Variants in GREB1L observed in about 807,000 individuals in gnomAD.
The protein encoded by GREB1L is GREB1 like retinoic acid receptor coactivator.
GREB1L carries 17 observed loss-of-function variants against 200.8 expected under a neutral mutation model. That is an observed-to-expected ratio of 0.08 (90% confidence interval 0.06 to 0.13). The LOEUF (loss-of-function observed/expected upper bound fraction) is 0.13, where lower values mean the gene tolerates loss of function less well. GREB1L is among the 10% of genes least tolerant of loss of function. The pLI, the probability that GREB1L is intolerant of heterozygous loss-of-function variation, is 1.00. For synonymous variants in GREB1L, 789 were observed against 893.0 expected (o/e 0.88, Z 2.08); for missense variants, 1,657 against 2,367.7 (o/e 0.70, Z 6.23).
chr18:21,455,727 A>G (rs2034731586), intron 15 of GREB1L, among the ~76,000 whole-genome samples: 1 of 151,864 alleles, frequency 6.6e-6, no homozygotes, highest in Non-Finnish European at 1.5e-5. Context: ...ATATTTAAAA[A>G]CAGGTAGGAA....
At chr18:21,384,433 A>G (rs776476336) in intron 4 of GREB1L, 30 bp downstream of exon 4, 13 of 1,496,224 alleles carry the variant, frequency 8.7e-6, no homozygotes, top group Admixed American at 2.3e-5. Flanking sequence ...TCTTTTTGCT[A>G]TTTTGTCTCT....
chr18:21,246,154 G>A (rs556918129), intron 1 of GREB1L, among the ~76,000 whole-genome samples: 15 of 152,122 alleles, frequency 9.9e-5, no homozygotes, highest in African/African-American at 3.6e-4. Flanking sequence ...AAAATTAGAG[G>A]TTGTGGGTTT....
chr18:21,260,916 G>A (rs9959136), intron 1 of GREB1L, among the ~76,000 whole-genome samples: 1,522 of 151,434 alleles, frequency 0.01, 19 homozygotes, highest in African/African-American at 0.035. Flanking sequence ...TACTAAAATC[G>A]GTTTTATACT....
At chr18:21,248,064 AC>A (rs1322316311) in intron 1 of GREB1L, among the ~76,000 whole-genome samples, 1 of 152,196 alleles carries the variant, frequency 6.6e-6, no homozygotes, top group African/African-American at 2.4e-5. Context: ...TTGCATGCTA[AC>A]CATGGAATGA....
intron 6 of GREB1L, among the ~76,000 whole-genome samples, chr18:21,402,782 C>CA: frequency 6.6e-6 from 1 of 152,188 alleles, no homozygotes; most frequent in Admixed American, 6.5e-5. Context: ...TTTGGCCTCT[C>CA]AAAGTGGTAG....
At chr18:21,257,362 TC>T (rs969100895) in intron 1 of GREB1L, among the ~76,000 whole-genome samples, 10 of 152,014 alleles carry the variant, frequency 6.6e-5, no homozygotes, top group African/African-American at 2.4e-4. Flanking sequence ...AAATAACCTT[TC>T]CCCCCCTTGT....
chr18:21,259,706 C>A (rs1598611354), intron 1 of GREB1L, among the ~76,000 whole-genome samples: 1 of 151,930 alleles, frequency 6.6e-6, no homozygotes, highest in Non-Finnish European at 1.5e-5. Context: ...TTTTTAAAAA[C>A]TAGAAGATGT....
At chr18:21,339,754 G>A (rs950449097) in intron 1 of GREB1L, among the ~76,000 whole-genome samples, 2 of 152,178 alleles carry the variant, frequency 1.3e-5, no homozygotes, top group Non-Finnish European at 2.9e-5. Context: ...TGACAATTAG[G>A]AAACCTCTCT....
intron 17 of GREB1L, among the ~76,000 whole-genome samples, chr18:21,481,859 C>G (rs191594815): frequency 5.7e-4 from 87 of 152,268 alleles, no homozygotes; most frequent in African/African-American, 2.0e-3. Flanking sequence ...TATGACTCCA[C>G]CACAATTCAT....
At chr18:21,347,799 C>G (rs1321861168) in intron 1 of GREB1L, among the ~76,000 whole-genome samples, 1 of 138,962 alleles carries the variant, frequency 7.2e-6, no homozygotes, top group Non-Finnish European at 1.5e-5. Context: ...CAGGGTGTTG[C>G]TCTGTCGCCC....
At chr18:21,373,436 C>T (rs1450255766) in intron 2 of GREB1L, among the ~76,000 whole-genome samples, 1 of 152,112 alleles carries the variant, frequency 6.6e-6, no homozygotes, top group Non-Finnish European at 1.5e-5. Flanking sequence ...CAGGTTCATG[C>T]GATTCTCCTG....
chr18:21,489,966 A>G (rs1445933140), intron 18 of GREB1L, 46 bp from the exon 19 acceptor site: 10 of 1,419,882 alleles, frequency 7.0e-6, no homozygotes, highest in Middle Eastern at 1.8e-4. Context: ...TGCTGCTCCC[A>G]GCTGGCCCTG....
intron 1 of GREB1L, among the ~76,000 whole-genome samples, chr18:21,287,871 T>G (rs1357243475): frequency 6.6e-6 from 1 of 150,764 alleles, no homozygotes; most frequent in Non-Finnish European, 1.5e-5. Flanking sequence ...CTCGGCTCAC[T>G]GCAACCTCCG....
At chr18:21,244,383 G>C (rs1230205844) in intron 1 of GREB1L, among the ~76,000 whole-genome samples, 8 of 152,140 alleles carry the variant, frequency 5.3e-5, no homozygotes. Flanking sequence ...AGATGTTAGT[G>C]GTAAAGGATA....
rs1371573175 is a variant in GREB1L at position 21,525,399 on chromosome 18, A to G, written c.*2578A>G. On this transcript the variant is annotated 3_prime_UTR_variant, in exon 33 of 33. Transcript: ENST00000424526. ...TGATTTAATTTGCTTAATGTATTAAAGTTATCTCCCACCCCCTCCAAAAAG... is the reference window on the plus strand; with the variant it reads ...TGATTTAATTTGCTTAATGTATTAAGGTTATCTCCCACCCCCTCCAAAAAG... 6.6e-6 allele frequency: 1 copy of G among 152,146 alleles called. No individual in the cohort carries two copies. The highest frequency in any genetic ancestry group is 2.4e-5 in the African/African-American group (1 of 41,424). The allele number at this position is 152,146 out of a possible 1,614,324, so 9.4% of individuals were successfully genotyped here. A position where few individuals can be genotyped will look rare whatever the true frequency, so the allele number is the denominator to read the frequency against.
intron 32 of GREB1L, among the ~76,000 whole-genome samples, chr18:21,522,154 A>C (rs924830629): frequency 2.6e-5 from 4 of 151,934 alleles, no homozygotes; most frequent in Non-Finnish European, 4.4e-5. Flanking sequence ...TGGTTGGAAG[A>C]TTACTTACTT....
chr18:21,459,646 CAATA>C (rs1483916571), intron 15 of GREB1L, among the ~76,000 whole-genome samples: 1 of 151,800 alleles, frequency 6.6e-6, no homozygotes, highest in African/African-American at 2.4e-5. Flanking sequence ...TGTAAGATAA[CAATA>C]AATAACAAAA....
At chr18:21,351,026 A>G (rs1385132324) in intron 1 of GREB1L, among the ~76,000 whole-genome samples, 1 of 152,096 alleles carries the variant, frequency 6.6e-6, no homozygotes, top group Middle Eastern at 3.2e-3. Context: ...CGTAATAGCA[A>G]GAGAGAATGG....
At chr18:21,296,179 T>C (rs2038524714) in intron 1 of GREB1L, among the ~76,000 whole-genome samples, 1 of 152,180 alleles carries the variant, frequency 6.6e-6, no homozygotes, top group Non-Finnish European at 1.5e-5. Flanking sequence ...TCAGCCTAGG[T>C]GTCTGCCAAT....
Sources: gnomAD v4.1 joint callset for allele counts (sites outside exome capture counted in the v4.1 genomes callset) on GRCh38, gnomAD v4.1.1 for gene constraint, MANE v1.5 for transcripts, NCBI Gene and HGNC (gene_info 2026-07-23, HGNC 2026-07-21) for gene names.